The following MDN1 variants were observed in gnomAD, a reference collection of about 807,000 sequenced individuals.
The protein encoded by MDN1 is midasin.
Under a neutral mutation model 669.2 loss-of-function variants are expected in MDN1, and 266 were observed. The ratio of observed to expected loss-of-function variants is 0.40; its 90% confidence interval spans 0.36 to 0.44. MDN1 has a LOEUF of 0.44. Ranked by LOEUF, MDN1 falls within the 20% of genes least tolerant of loss-of-function variation. The pLI is 1.00. For synonymous variants in MDN1, 2,385 were observed against 2,457.1 expected (o/e 0.97, Z 0.87); for missense variants, 5,940 against 6,754.0 (o/e 0.88, Z 4.22).
chr6:89,756,368 C>A lies in MDN1; in HGVS notation c.2725G>T (p.Glu909Ter). 1 of 1,582,648 alleles carries A rather than the reference C, an allele frequency of 6.3e-7. No homozygotes were observed. ...RNRFTELYVE[E>*]LESKEDLQVL... ...TGTAAGTCTTCTTTGCTTTCTAATT[C>A]TTCTACATAAAGTTCTGTGAACCTG... Residue 909 changes from glutamate (E) to a stop codon, truncating the protein, a stop_gained, in exon 20 of 102, where the codon GAA becomes TAA. Transcript: ENST00000369393. LOFTEE classifies it high-confidence loss of function.
At position 89,674,528 on chromosome 6, in the gene MDN1, C is replaced by T. The variant is rs369312789; in HGVS notation, c.12823G>A (p.Val4275Met). 4.5e-5 allele frequency: 73 copies of T among 1,604,528 alleles called. No homozygotes were observed. The South Asian group carries it at 5.7e-4, about 13-fold the overall frequency. The change falls in exon 79 of 102, where the codon GTG becomes ATG. Residue 4275 changes from valine (V) to methionine (M), a missense_variant. Val to Met is a conservative substitution (Grantham distance 21). This residue lies in a region of MDN1 where 2,280 missense variants were observed against 2,576.3 expected (regional missense o/e 0.88). Transcript: ENST00000369393. ...SRLMGPQAYP[V>M]AFPPQDGVQQ... Reference sequence around the variant, plus strand: ...ACGCCATCCTGAGGGGGGAAGGCCACGGGGTAGGCCTGGGGCCCCATCAGC... The same window carrying T: ...ACGCCATCCTGAGGGGGGAAGGCCATGGGGTAGGCCTGGGGCCCCATCAGC...
Position 89,706,059 on chromosome 6 carries a change from C to T in MDN1, c.8148G>A (p.Glu2716=). Residue 2716 remains glutamate (E), a splice_region_variant and synonymous_variant, in exon 53 of 102, where the codon GAG becomes GAA. Transcript: ENST00000369393. The stretch of plus-strand genomic sequence containing the variant: ...AATAAAACAAGATGCAGTTCCTTAC[C>T]TCATTGGCACTGGCATCAGACACCA... ...QGMVSDASAN[E]ILGSLRWRDR... 6.3e-7 allele frequency: 1 copy of T among 1,599,780 alleles called. No individual in the cohort carries two copies. The highest frequency in any genetic ancestry group is 8.5e-7 in the Non-Finnish European group (1 of 1,172,298).
chr6:89,803,890 CTTTTCTTTTTTTT>C (rs1450564721), intron 1 of MDN1, among the ~76,000 whole-genome samples: 1 of 93,224 alleles, frequency 1.1e-5, no homozygotes, highest in Non-Finnish European at 2.0e-5. Context: ...CTTTTCTTTT[CTTTTCTTTTTTTT>C]TTTTTTTTTT....
chr6:89,689,116 A>G (rs2128307805), intron 65 of MDN1, among the ~76,000 whole-genome samples: 1 of 152,348 alleles, frequency 6.6e-6, no homozygotes, highest in South Asian at 2.1e-4. Context: ...CAGTGAGCTG[A>G]GATTGTGCCA....
intron 86 of MDN1, 114 bp from the exon 87 acceptor site, chr6:89,662,353 G>A: frequency 1.9e-6 from 2 of 1,069,738 alleles, no homozygotes; most frequent in Non-Finnish European, 2.6e-6. Flanking sequence ...TCCCATGGAT[G>A]GCTGATAAAG....
At chr6:89,750,646 A>G in intron 23 of MDN1, 114 bp from the exon 24 acceptor site, 2 of 1,043,048 alleles carry the variant, frequency 1.9e-6, no homozygotes, top group Non-Finnish European at 2.8e-6. Context: ...TCTGTTGCCC[A>G]GGCTGAAGTA....
At chr6:89,706,276 G>T in intron 52 of MDN1, 84 bp from the exon 53 acceptor site, 1 of 1,397,340 alleles carries the variant, frequency 7.2e-7, no homozygotes, top group Non-Finnish European at 9.6e-7. Context: ...CTGTAATCTA[G>T]AATTTAAATG....
chr6:89,678,306 G>A (rs1160705315), intron 75 of MDN1, among the ~76,000 whole-genome samples: 1 of 152,038 alleles, frequency 6.6e-6, no homozygotes, highest in African/African-American at 2.4e-5. Context: ...TAACCAGCCT[G>A]GGCAACAGAG....
At chr6:89,703,885 C>T (rs142290280) in intron 53 of MDN1, among the ~76,000 whole-genome samples, 1,896 of 151,482 alleles carry the variant, frequency 0.013, 18 homozygotes, top group Non-Finnish European at 0.019. Context: ...TGGTGGCACG[C>T]GCCTGTAATC....
intron 44 of MDN1, among the ~76,000 whole-genome samples, chr6:89,716,446 A>G (rs1814377307): frequency 6.6e-6 from 1 of 152,272 alleles, no homozygotes; most frequent in African/African-American, 2.4e-5. Context: ...GAAAATTATC[A>G]TACAGAGCTG....
intron 22 of MDN1, 127 bp from the exon 23 acceptor site, chr6:89,751,709 G>T: frequency 2.1e-6 from 2 of 939,142 alleles, no homozygotes; most frequent in Non-Finnish European, 3.1e-6. Context: ...CATTAAAACT[G>T]GATGAAATAT....
At chr6:89,753,124 A>C (rs76214122) in intron 22 of MDN1, among the ~76,000 whole-genome samples, 3 of 150,854 alleles carry the variant, frequency 2.0e-5, no homozygotes, top group Non-Finnish European at 3.0e-5. Flanking sequence ...CTCTATCTGC[A>C]AAAAAAAACA....
At chr6:89,711,072 A>C (rs893524958) in intron 49 of MDN1, among the ~76,000 whole-genome samples, 2 of 152,258 alleles carry the variant, frequency 1.3e-5, no homozygotes, top group Non-Finnish European at 2.9e-5. Context: ...ATTTAGACAG[A>C]TGACCACATG....
intron 72 of MDN1, 61 bp from the exon 73 acceptor site, chr6:89,683,391 T>A: frequency 7.2e-7 from 1 of 1,389,452 alleles, no homozygotes. Flanking sequence ...TGAAGACATA[T>A]AAAAAATACA....
In MDN1 at chr6:89,701,636, A is replaced by G. The variant is rs1470683101; in HGVS notation, c.8349T>C (p.Asn2783=). 6.2e-7 allele frequency: 1 copy of G among 1,614,006 alleles called. No individual in the cohort carries two copies. Among genetic ancestry groups the G allele is most frequent in the East Asian group, 2.2e-5 (1 of 44,898 alleles). The change falls in exon 55 of 102, where the codon AAT becomes AAC. Residue 2783 remains asparagine (N), a synonymous_variant. Coordinates refer to ENST00000369393, the MANE Select transcript of MDN1 (RefSeq NM_014611.3). ...AGCCACCAGTCTGGCTCCCCAGACA[A>G]TTCTGAATATGTTCTGAGACAGTCT... ...EVQTVSEHIQ[N]CLGSQTGGFA...
Position 89,662,182 on chromosome 6 carries a change from CTTTG to C in MDN1, c.14466_14469del (p.Asn4822LysfsTer31). The C allele has an allele frequency of 6.2e-7, 1 of 1,613,994 alleles. No homozygotes were observed. The highest frequency in any genetic ancestry group is 1.7e-5 in the Admixed American group (1 of 59,976). On this transcript the variant is annotated frameshift_variant, in exon 87 of 102. Coordinates refer to ENST00000369393, the MANE Select transcript of MDN1 (RefSeq NM_014611.3). LOFTEE classifies it high-confidence loss of function. ...TCCTTCTTATCTTGCTGGCTTTTAT[CTTTG>C]TTTGAATTGCCACTATCCAAGTTGT...
At position 89,747,388 on chromosome 6, in the gene MDN1, T is replaced by C; in HGVS notation, c.3845A>G (p.Tyr1282Cys). ...LRDLFRWAERYRLAEPTEKEY... is the reference protein window; with the variant it reads ...LRDLFRWAERCRLAEPTEKEY... The stretch of plus-strand genomic sequence containing the variant: ...CTTCTCGGTCGGCTCAGCCAATCTG[T>C]ATCTTTCAGCCCATCGGAACAGATC... Residue 1282 changes from tyrosine (Y) to cysteine (C), a missense_variant, in exon 27 of 102, where the codon TAC becomes TGC. Physicochemically the swap from Tyr to Cys is radical, Grantham distance 194 (BLOSUM62 -2). Around this residue, in one of 5 missense-constraint regions of MDN1, gnomAD observed 2,292 missense variants for 2,638.3 expected, o/e 0.87. Transcript: ENST00000369393. 1.2e-6 allele frequency: 2 copies of C among 1,614,170 alleles called. No homozygotes were observed. Among genetic ancestry groups the C allele is most frequent in the Non-Finnish European group, 1.7e-6 (2 of 1,180,020 alleles).
intron 32 of MDN1, among the ~76,000 whole-genome samples, chr6:89,739,101 T>A (rs1816154168): frequency 6.6e-6 from 1 of 152,188 alleles, no homozygotes; most frequent in African/African-American, 2.4e-5. Flanking sequence ...TTGATGATCA[T>A]CTATCTGGTC....
chr6:89,794,884 T>C, intron 2 of MDN1, 83 bp from the exon 3 acceptor site: 1 of 1,075,578 alleles, frequency 9.3e-7, no homozygotes, highest in Non-Finnish European at 1.4e-6. Context: ...TTTATCAGAG[T>C]ATTAAATGCA....
Sources: gnomAD v4.1 joint callset for allele counts (sites outside exome capture counted in the v4.1 genomes callset) on GRCh38, gnomAD v4.1.1 for gene constraint, gnomAD v4.1.1 regional missense constraint, MANE v1.5 for transcripts, NCBI Gene and HGNC (gene_info 2026-07-23, HGNC 2026-07-21) for gene names.